Variants in LHPP observed in about 807,000 individuals in gnomAD.
LHPP encodes the protein phospholysine phosphohistidine inorganic pyrophosphate phosphatase.
A neutral mutation model predicts 30.3 loss-of-function variants in LHPP; 24 were observed. The ratio of observed to expected loss-of-function variants is 0.79; its 90% CI spans 0.57 to 1.11. The LOEUF (loss-of-function observed/expected upper bound fraction) is 1.11. LHPP is among the 50% of genes most tolerant of loss of function. The pLI is 0.00. For missense variants in LHPP, 356 were observed against 367.2 expected, an observed-to-expected ratio of 0.97 and a Z score of 0.25; for synonymous variants, 150 against 157.1, an observed-to-expected ratio of 0.95 and a Z score of 0.34.
chr10:124,558,683 G>A (rs61519681), intron 6 of LHPP, among the ~76,000 whole-genome samples: 3,977 of 152,298 alleles, frequency 0.026, 181 homozygotes, highest in African/African-American at 0.091. Flanking sequence ...TGGAACGCAC[G>A]GGCTCAGGAC....
chr10:124,597,142 G>A (rs1259601496), intron 6 of LHPP, among the ~76,000 whole-genome samples: 1 of 152,122 alleles, frequency 6.6e-6, no homozygotes, highest in Non-Finnish European at 1.5e-5. Flanking sequence ...GGGAGGTGTC[G>A]GCTTCCCTAC....
intron 6 of LHPP, among the ~76,000 whole-genome samples, chr10:124,534,898 A>C (rs1468950596): frequency 6.6e-6 from 1 of 152,186 alleles, no homozygotes; most frequent in Non-Finnish European, 1.5e-5. Context: ...AAGAAAGAGC[A>C]ATGGAATCTG....
intron 1 of LHPP, among the ~76,000 whole-genome samples, chr10:124,471,492 A>T (rs1377037880): frequency 4.7e-4 from 2 of 4,264 alleles, no homozygotes; most frequent in Non-Finnish European, 2.3e-3. Flanking sequence ...TTATATATTT[A>T]TATATATTTA....
At chr10:124,555,605 C>G (rs891977383) in intron 6 of LHPP, among the ~76,000 whole-genome samples, 3 of 152,230 alleles carry the variant, frequency 2.0e-5, no homozygotes, top group African/African-American at 7.2e-5. Flanking sequence ...TAGGGCTGGC[C>G]TTATTGGAGT....
At chr10:124,551,715 C>T (rs1366968692) in intron 6 of LHPP, among the ~76,000 whole-genome samples, 2 of 151,064 alleles carry the variant, frequency 1.3e-5, no homozygotes, top group African/African-American at 4.9e-5. Flanking sequence ...GCTTGGCCGG[C>T]CCCCCGGGAA....
At chr10:124,472,424 T>G (rs777424496) in intron 1 of LHPP, among the ~76,000 whole-genome samples, 1 of 152,214 alleles carries the variant, frequency 6.6e-6, no homozygotes, top group Non-Finnish European at 1.5e-5. Flanking sequence ...GAATGTTTTC[T>G]GGTTTATCCA....
At chr10:124,525,029 A>G (rs2168213) in intron 6 of LHPP, among the ~76,000 whole-genome samples, 99,249 of 152,188 alleles carry the variant, frequency 0.65, 32,617 homozygotes, top group African/African-American at 0.72. Flanking sequence ...AGTCCTGCAG[A>G]GGCGGCCCCG....
chr10:124,486,790 A>G (rs369827566), intron 2 of LHPP, among the ~76,000 whole-genome samples: 151 of 152,292 alleles, frequency 9.9e-4, no homozygotes, highest in African/African-American at 3.4e-3. Flanking sequence ...TGTTCACTGT[A>G]AGCCAAGCTG....
intron 5 of LHPP, among the ~76,000 whole-genome samples, chr10:124,509,415 T>C (rs548604377): frequency 6.6e-6 from 1 of 152,314 alleles, no homozygotes; most frequent in South Asian, 2.1e-4. Context: ...TTTCTAATTA[T>C]TTGCTCCAAA....
intron 6 of LHPP, among the ~76,000 whole-genome samples, chr10:124,526,609 T>C (rs1414549609): frequency 6.8e-6 from 1 of 147,676 alleles, no homozygotes; most frequent in Non-Finnish European, 1.5e-5. Flanking sequence ...GCTCCCGCCC[T>C]CCCCCGCTTT....
chr10:124,609,658 C>A (rs1949141457), intron 6 of LHPP, among the ~76,000 whole-genome samples: 1 of 152,244 alleles, frequency 6.6e-6, no homozygotes, highest in Non-Finnish European at 1.5e-5. Context: ...CCTGGCACCC[C>A]TATTCACCTT....
chr10:124,592,477 G>A lies in LHPP; in HGVS notation c.717-20787G>A, dbSNP rs78703533. Among the ~76,000 whole-genome samples the A allele has an allele frequency of 0.02, 3,034 of 152,284 alleles. 113 individuals are homozygous for A. Among genetic ancestry groups the A allele is most frequent in the African/African-American group, 0.07 (2,905 of 41,540 alleles). On this transcript the variant is annotated intron_variant, in intron 6 of 6. Coordinates refer to ENST00000368842, the MANE Select transcript of LHPP (RefSeq NM_022126.4). The surrounding 1 kb of genome is among the most constrained non-coding windows in gnomAD (Gnocchi z 6.2). ...AAAATGAGTCACTGGGGCATTCCCC[G>A]AACTTGGGAAAAGCCCTGACCCCAG...
chr10:124,606,677 T>C (rs1949097197), intron 6 of LHPP, among the ~76,000 whole-genome samples: 1 of 152,208 alleles, frequency 6.6e-6, no homozygotes, highest in Non-Finnish European at 1.5e-5. Context: ...GCCATGCACT[T>C]TTTTGGGGAC....
chr10:124,566,015 G>A (rs926716854), intron 6 of LHPP, among the ~76,000 whole-genome samples: 5 of 152,238 alleles, frequency 3.3e-5, no homozygotes, highest in African/African-American at 4.8e-5. Flanking sequence ...AGCCGTCGCC[G>A]TACCCCTGGG....
At chr10:124,567,231 G>T (rs1308613071) in intron 6 of LHPP, among the ~76,000 whole-genome samples, 1 of 152,246 alleles carries the variant, frequency 6.6e-6, no homozygotes, top group African/African-American at 2.4e-5. Context: ...GAAGCTCCAG[G>T]TGGGCAGGCC....
At position 124,523,123 on chromosome 10, in the gene LHPP, C is replaced by A. The variant is rs11245258; in HGVS notation, c.716+5852C>A. Among the ~76,000 whole-genome samples, 26,005 of 152,220 alleles carry A rather than the reference C, an allele frequency of 0.17. 3,212 individuals carry two copies. Among genetic ancestry groups the A allele is most frequent in the African/African-American group, 0.32 (13,325 of 41,500 alleles). ...TGGTGCTGCTGTGTAAATAAAGCCG[C>A]GATGCGGAGCTCGCCTCTGGTCTTC... On this transcript the variant is annotated intron_variant, in intron 6 of 6. Transcript: ENST00000368842. This position sits in a 1 kb window ranked among gnomAD's most constrained non-coding sequence, Gnocchi z 4.2.
chr10:124,500,328 C>T lies in LHPP; in HGVS notation c.624+2200C>T, dbSNP rs546053464. Among the ~76,000 whole-genome samples, 13 of 151,746 alleles carry T rather than the reference C, an allele frequency of 8.6e-5. No individual in the cohort carries two copies. The South Asian group carries it at 1.9e-3, about 22-fold the overall frequency. On this transcript the variant is annotated intron_variant, in intron 5 of 6. Transcript: ENST00000368842. ...TCTCTACTAAAATATAAAAATTAGC[C>T]GGGTGTGGTGGTATGCACCTGTAAT...
chr10:124,531,018 C>T (rs181293025), intron 6 of LHPP, among the ~76,000 whole-genome samples: 1 of 152,302 alleles, frequency 6.6e-6, no homozygotes, highest in East Asian at 1.9e-4. Flanking sequence ...GAGGCCAGGT[C>T]CCTGGGATGA....
intron 1 of LHPP, among the ~76,000 whole-genome samples, chr10:124,472,615 G>A (rs1274223274): frequency 1.3e-5 from 2 of 151,184 alleles, no homozygotes; most frequent in Admixed American, 1.3e-4. Flanking sequence ...CTGGAGTGCA[G>A]TGGTGCGATC....
Sources: gnomAD v4.1 joint callset for allele counts (sites outside exome capture counted in the v4.1 genomes callset) on GRCh38, gnomAD v4.1.1 for gene constraint, Gnocchi (gnomAD v3.1) non-coding constraint, MANE v1.5 for transcripts, NCBI Gene and HGNC (gene_info 2026-07-23, HGNC 2026-07-21) for gene names.